PRKCE: variants seen among roughly 807,000 people sequenced by gnomAD.
PRKCE encodes the protein protein kinase C epsilon.
Under a neutral mutation model 85.4 loss-of-function variants are expected in PRKCE, and 16 were observed. The observed-to-expected ratio is 0.19, with a 90% CI of 0.13 to 0.28. The LOEUF (loss-of-function observed/expected upper bound fraction) is 0.28, where lower values mean the gene tolerates loss of function less well. Ranked by LOEUF, PRKCE falls within the 10% of genes least tolerant of loss-of-function variation. The pLI, the probability that PRKCE is intolerant of heterozygous loss-of-function variation, is 1.00. For synonymous variants in PRKCE, 388 were observed against 371.5 expected, an observed-to-expected ratio of 1.04 and a Z score of -0.51; for missense variants, 573 against 975.2, an observed-to-expected ratio of 0.59 and a Z score of 5.49.
At chr2:45,963,454 G>A (rs1315396011) in intron 2 of PRKCE, among the ~76,000 whole-genome samples, 2 of 152,094 alleles carry the variant, frequency 1.3e-5, no homozygotes, top group African/African-American at 4.8e-5. Context: ...GATTACAGGT[G>A]TGCGCCACCA....
chr2:45,740,329 G>C (rs1682450376), intron 1 of PRKCE, among the ~76,000 whole-genome samples: 1 of 152,146 alleles, frequency 6.6e-6, no homozygotes, highest in Non-Finnish European at 1.5e-5. Flanking sequence ...TGGAGGCAGA[G>C]GGCTTAGGGC....
chr2:45,833,148 AAAAAAG>A (rs1352175950), intron 1 of PRKCE, among the ~76,000 whole-genome samples: 15 of 151,962 alleles, frequency 9.9e-5, no homozygotes, highest in Non-Finnish European at 2.1e-4. Context: ...CAAAAAAAAA[AAAAAAG>A]AAAAGAAAAG....
intron 10 of PRKCE, among the ~76,000 whole-genome samples, chr2:46,020,132 G>C (rs867459261): frequency 7.9e-5 from 12 of 152,212 alleles, no homozygotes; most frequent in Middle Eastern, 6.8e-3. Flanking sequence ...TTACAGGTGT[G>C]AGCCACTGTG....
At chr2:46,172,466 TGGGCCTGGGC>T (rs894915426) in intron 14 of PRKCE, among the ~76,000 whole-genome samples, 26 of 151,296 alleles carry the variant, frequency 1.7e-4, no homozygotes, top group East Asian at 1.9e-4. Flanking sequence ...TGTATAGGTG[TGGGCCTGGGC>T]AGGCCTGGGC....
rs1169906208 is a variant in PRKCE at position 45,825,089 on chromosome 2, T to C, written c.349-17911T>C. On this transcript the variant is annotated intron_variant, in intron 1 of 14. Transcript: ENST00000306156. Reference sequence around the variant, plus strand: ...AATTTGCCAACTCCACATTACTTTTTTCCTCCGGGGATGAATGTAGAACTA... The same window carrying C: ...AATTTGCCAACTCCACATTACTTTTCTCCTCCGGGGATGAATGTAGAACTA... Among the ~76,000 whole-genome samples, 4 of 152,218 alleles carry C rather than the reference T, an allele frequency of 2.6e-5. No individual in the cohort carries two copies. The East Asian group carries it at 7.7e-4, about 29-fold the overall frequency.
intron 2 of PRKCE, among the ~76,000 whole-genome samples, chr2:45,975,437 C>G (rs1264510091): frequency 6.6e-6 from 1 of 152,106 alleles, no homozygotes; most frequent in Non-Finnish European, 1.5e-5. Flanking sequence ...GCTGAGGGCC[C>G]TCTTCCTTGC....
intron 1 of PRKCE, among the ~76,000 whole-genome samples, chr2:45,710,715 A>G (rs1422855998): frequency 6.6e-6 from 1 of 152,180 alleles, no homozygotes; most frequent in African/African-American, 2.4e-5. Flanking sequence ...GGCTGTTACT[A>G]ACTGACATCT....
At position 46,027,913 on chromosome 2, in the gene PRKCE, GA is replaced by G. The variant is rs1490228203; in HGVS notation, c.1437+17397del. Reference sequence around the variant, plus strand: ...GGCCCACCTTCCACCTACCCTGGGGGACCTCCCTCTTGAAGGTTGGGATTCT... The same window carrying G: ...GGCCCACCTTCCACCTACCCTGGGGGCCTCCCTCTTGAAGGTTGGGATTCT... On this transcript the variant is annotated intron_variant, in intron 10 of 14. Coordinates refer to ENST00000306156, the MANE Select transcript of PRKCE (RefSeq NM_005400.3). Among the ~76,000 whole-genome samples the G allele has an allele frequency of 2.0e-5, 3 of 152,178 alleles. 1 individual carries two copies. The highest frequency in any genetic ancestry group is 7.2e-5 in the African/African-American group (3 of 41,522).
intron 10 of PRKCE, among the ~76,000 whole-genome samples, chr2:46,069,213 C>A (rs1405792830): frequency 2.0e-5 from 3 of 152,144 alleles, no homozygotes; most frequent in Non-Finnish European, 4.4e-5. Context: ...TACGTGGTAG[C>A]CTCTGCTGTA....
At chr2:46,100,740 C>T (rs1671130516) in intron 11 of PRKCE, among the ~76,000 whole-genome samples, 1 of 152,258 alleles carries the variant, frequency 6.6e-6, no homozygotes, top group African/African-American at 2.4e-5. Context: ...ACTCAACAGA[C>T]AACGAGTAAG....
At chr2:45,968,007 C>G (rs142050237) in intron 2 of PRKCE, among the ~76,000 whole-genome samples, 26 of 152,284 alleles carry the variant, frequency 1.7e-4, no homozygotes, top group Non-Finnish European at 2.9e-4. Flanking sequence ...GCCCTGAACA[C>G]AAAGGGTAGG....
intron 1 of PRKCE, among the ~76,000 whole-genome samples, chr2:45,736,363 T>A (rs1409120367): frequency 6.6e-6 from 1 of 151,972 alleles, no homozygotes; most frequent in African/African-American, 2.4e-5. Context: ...TAGGCGGGAG[T>A]TGGAAGGCTG....
intron 10 of PRKCE, among the ~76,000 whole-genome samples, chr2:46,050,822 C>G (rs1708808973): frequency 6.6e-6 from 1 of 152,190 alleles, no homozygotes; most frequent in South Asian, 2.1e-4. Flanking sequence ...TCATTTCCTT[C>G]ATTCTTGTCA....
rs912487614 is a variant in PRKCE at position 45,706,463 on chromosome 2, C to T, written c.348+54015C>T. Among the ~76,000 whole-genome samples the T allele has an allele frequency of 1.1e-4, 16 of 152,152 alleles. 1 individual carries two copies. The highest frequency in any genetic ancestry group is 3.6e-4 in the African/African-American group (15 of 41,424). ...AGCTTCATTCCTGGTTCTCCCAGGT[C>T]GGAGGAACTTGAAGCAGTGTTTGTC... On this transcript the variant is annotated intron_variant, in intron 1 of 14. Transcript: ENST00000306156.
intron 2 of PRKCE, among the ~76,000 whole-genome samples, chr2:45,880,345 T>C (rs1407363519): frequency 6.6e-6 from 1 of 152,244 alleles, no homozygotes; most frequent in Non-Finnish European, 1.5e-5. Context: ...GGGATACAGA[T>C]ATCTCTTTGA....
intron 1 of PRKCE, among the ~76,000 whole-genome samples, chr2:45,681,733 T>C (rs1307866565): frequency 6.6e-6 from 1 of 152,156 alleles, no homozygotes; most frequent in Non-Finnish European, 1.5e-5. Context: ...TGGACACAAA[T>C]AGACAATGCC....
chr2:45,961,433 G>T (rs781591529), intron 2 of PRKCE, among the ~76,000 whole-genome samples: 1 of 152,172 alleles, frequency 6.6e-6, no homozygotes, highest in Non-Finnish European at 1.5e-5. Flanking sequence ...TCCGTGAGTC[G>T]GTTTCTGTAA....
chr2:46,110,187 G>T (rs1474773493), intron 11 of PRKCE, among the ~76,000 whole-genome samples: 13 of 152,056 alleles, frequency 8.5e-5, no homozygotes, highest in Admixed American at 8.5e-4. Flanking sequence ...TTAGTGTTAG[G>T]GTAATGCTGA....
intron 1 of PRKCE, among the ~76,000 whole-genome samples, chr2:45,795,320 T>A (rs1687347753): frequency 6.6e-6 from 1 of 152,168 alleles, no homozygotes; most frequent in Admixed American, 6.5e-5. Context: ...TGTTATTATT[T>A]TTTTTGAGAT....
Sources: allele counts gnomAD v4.1 joint callset (sites outside exome capture counted in the v4.1 genomes callset), GRCh38; gene constraint gnomAD v4.1.1; transcripts MANE v1.5; gene names NCBI Gene and HGNC (gene_info 2026-07-23, HGNC 2026-07-21).